Variants in DIS3 observed in about 807,000 individuals in gnomAD.
The protein encoded by DIS3 is DIS3 exosome endoribonuclease and 3'-5' exoribonuclease.
DIS3 carries 103 observed loss-of-function variants against 113.0 expected under a neutral mutation model. The observed-to-expected ratio is 0.91, with a 90% CI of 0.78 to 1.07. DIS3 has a LOEUF of 1.07. DIS3 is among the 50% of genes least tolerant of loss of function. The pLI, the probability that DIS3 is intolerant of heterozygous loss-of-function variation, is 0.00. For synonymous variants in DIS3, 402 were observed against 394.3 expected, an observed-to-expected ratio of 1.02 and a Z score of -0.23; for missense variants, 1,121 against 1,167.1, an observed-to-expected ratio of 0.96 and a Z score of 0.58.
intron 8 of DIS3, 93 bp from the exon 9 acceptor site, chr13:72,772,932 T>C: frequency 7.7e-7 from 1 of 1,299,910 alleles, no homozygotes. Context: ...ATCTTCTCAG[T>C]ATTCCTAAAT....
At chr13:72,767,647 G>A (rs1282141399) in intron 14 of DIS3, among the ~76,000 whole-genome samples, 1 of 152,172 alleles carries the variant, frequency 6.6e-6, no homozygotes, top group Non-Finnish European at 1.5e-5. Flanking sequence ...TTCTATGTGT[G>A]CCCTGTCCAA....
In DIS3 at chr13:72,778,168, C is replaced by G. The variant is rs1396927079; in HGVS notation, c.580+19G>C. On this transcript the variant is annotated intron_variant, in intron 3 of 20. Transcript: ENST00000377767. The stretch of plus-strand genomic sequence containing the variant: ...CGCATTTGCAAACATGCACTAAGTA[C>G]TTCTACATTTAGACTTACAAGTGAA... The G allele has an allele frequency of 3.2e-6, 5 of 1,552,838 alleles. No homozygotes were observed. The African/African-American group carries it at 6.8e-5, about 21-fold the overall frequency.
chr13:72,762,209 T>C (rs1593835677), intron 16 of DIS3, 72 bp from the exon 17 acceptor site: 1 of 1,281,236 alleles, frequency 7.8e-7, no homozygotes, highest in East Asian at 2.5e-5. Flanking sequence ...CTTCAAAATA[T>C]AACTGATCTG....
In DIS3 at chr13:72,754,085, T is replaced by G. The variant is rs1180691753; in HGVS notation, c.*5710A>C. 2 of 293,188 alleles carry G rather than the reference T, an allele frequency of 6.8e-6. No homozygotes were observed. The highest frequency in any genetic ancestry group is 1.3e-5 in the Non-Finnish European group (2 of 158,260). The allele number at this position is 293,188 out of a possible 1,614,324, so 18.2% of individuals were successfully genotyped here. On this transcript the variant is annotated 3_prime_UTR_variant, in exon 21 of 21. Coordinates refer to ENST00000377767, the MANE Select transcript of DIS3 (RefSeq NM_014953.5). The stretch of plus-strand genomic sequence containing the variant: ...CTTCCAGGTGGTGGTTATATATTCA[T>G]ACTTGAAGAAACTCATCATAATTTC...
intron 1 of DIS3, 56 bp downstream of exon 1, chr13:72,781,549 T>C: frequency 6.8e-7 from 1 of 1,469,012 alleles, no homozygotes; most frequent in Non-Finnish European, 9.0e-7. Context: ...AGTTTCCCTG[T>C]CATACCCCCT....
rs540191098 is a variant in DIS3, at chr13:72,772,282, G to C, written c.1387-7C>G. 46 of 1,575,418 alleles carry C rather than the reference G, an allele frequency of 2.9e-5. 1 individual carries two copies. In the South Asian group the frequency reaches 4.9e-4, roughly 17 times the overall value. ...CTTCTCGGTTTTTCATGTCCTAGAA[G>C]ACATGAAATGATAAACAAATAAATT... is the stretch of plus-strand genomic sequence containing the variant. On this transcript the variant is annotated splice_polypyrimidine_tract_variant and splice_region_variant and intron_variant, in intron 9 of 20. Transcript: ENST00000377767.
At chr13:72,778,874 C>T (rs573102521) in intron 2 of DIS3, among the ~76,000 whole-genome samples, 125 of 152,140 alleles carry the variant, frequency 8.2e-4, no homozygotes, top group African/African-American at 2.9e-3. Flanking sequence ...ATAGCTGAAG[C>T]TATGTAGAGA....
At chr13:72,777,622 C>T in intron 3 of DIS3, 129 bp from the exon 4 acceptor site, 1 of 790,692 alleles carries the variant, frequency 1.3e-6, no homozygotes, top group Admixed American at 2.2e-5. Context: ...GAGTCTCACT[C>T]TGTCTCTCAG....
At chr13:72,770,199 A>G (rs796231683) in intron 13 of DIS3, among the ~76,000 whole-genome samples, 1 of 148,712 alleles carries the variant, frequency 6.7e-6, no homozygotes, top group South Asian at 2.1e-4. Flanking sequence ...TCAAGTATAT[A>G]TTCTTTGTAA....
Position 72,755,341 on chromosome 13 carries a change from A to G in DIS3, c.*4454T>C. 2 of 721,244 alleles carry G rather than the reference A, an allele frequency of 2.8e-6. No homozygotes were observed. The highest frequency in any genetic ancestry group is 4.5e-6 in the Non-Finnish European group (2 of 442,306). The allele number at this position is 721,244 out of a possible 1,614,324, so 44.7% of individuals were successfully genotyped here. A position where few individuals can be genotyped will look rare whatever the true frequency, so the allele number is the denominator to read the frequency against. The stretch of plus-strand genomic sequence containing the variant: ...GTAACATGCTTAGCTTTCCCTCCTT[A>G]ATGTGAAAAATCAAGGGCTTACTGA... On this transcript the variant is annotated 3_prime_UTR_variant, in exon 21 of 21. Coordinates refer to ENST00000377767, the MANE Select transcript of DIS3 (RefSeq NM_014953.5).
Position 72,753,885 on chromosome 13 carries a change from T to G in DIS3, c.*5910A>C, listed in dbSNP as rs1429281906. ...ATTAGAAATATAAAATAATTTTGATTATTAGACAATAGTACTATTGAGAAA... is the reference window on the plus strand; with the variant it reads ...ATTAGAAATATAAAATAATTTTGATGATTAGACAATAGTACTATTGAGAAA... On this transcript the variant is annotated 3_prime_UTR_variant, in exon 21 of 21. Coordinates refer to ENST00000377767, the MANE Select transcript of DIS3 (RefSeq NM_014953.5). 4.2e-6 allele frequency: 6 copies of G among 1,436,590 alleles called. No homozygotes were observed. The highest frequency in any genetic ancestry group is 1.9e-5 in the Admixed American group (1 of 51,458). The allele number at this position is 1,436,590 out of a possible 1,614,324, so 89.0% of individuals were successfully genotyped here. A position where few individuals can be genotyped will look rare whatever the true frequency, so the allele number is the denominator to read the frequency against.
chr13:72,778,420 G>C, intron 2 of DIS3, 40 bp from the exon 3 acceptor site: 1 of 1,499,122 alleles, frequency 6.7e-7, no homozygotes, highest in South Asian at 1.3e-5. Flanking sequence ...GAAATCAGTA[G>C]AAACAAGGAT....
rs748342148 is a variant in DIS3 at position 72,757,984 on chromosome 13, TATC to T, written c.*1808_*1810del. ...AAAAGTCTACAGTAGTGCACAGTAA[TATC>T]ATGGCCTTCACATTCACTAACCACT... On this transcript the variant is annotated 3_prime_UTR_variant, in exon 21 of 21. Transcript: ENST00000377767. The T allele has an allele frequency of 5.1e-6, 1 of 197,306 alleles. No homozygotes were observed. Among genetic ancestry groups the T allele is most frequent in the Non-Finnish European group, 1.1e-5 (1 of 95,206 alleles). 12.2% of individuals were successfully genotyped at this position (197,306 alleles called of 1,614,324 possible).
In DIS3 at chr13:72,773,673, T is replaced by C. The variant is rs200620080; in HGVS notation, c.1239+11A>G. The stretch of plus-strand genomic sequence containing the variant: ...AAACATCCCCACATAAAATTAATAC[T>C]TTAAGCTTACATTTGGATATCTGGA... On this transcript the variant is annotated intron_variant, in intron 8 of 20. Transcript: ENST00000377767. 6.2e-7 allele frequency: 1 copy of C among 1,604,180 alleles called. No homozygotes were observed. Among genetic ancestry groups the C allele is most frequent in the East Asian group, 2.2e-5 (1 of 44,814 alleles).
At chr13:72,775,508 T>G in intron 5 of DIS3, 133 bp from the exon 6 acceptor site, 3 of 1,103,122 alleles carry the variant, frequency 2.7e-6, no homozygotes, top group Non-Finnish European at 3.6e-6. Context: ...TTATAGATTT[T>G]CTTTCTCTAT....
At chr13:72,780,197 G>A (rs9573032) in intron 2 of DIS3, among the ~76,000 whole-genome samples, 39,659 of 151,248 alleles carry the variant, frequency 0.26, 6,444 homozygotes, top group South Asian at 0.46. Context: ...ATAGTGGTGC[G>A]TGACTGTAAT....
rs933843244 is a variant in DIS3, at chr13:72,760,622, C to A, written c.2700G>T (p.Val900=). Residue 900 remains valine (V), a synonymous_variant, in exon 20 of 21, where the codon GTG becomes GTT. Coordinates refer to ENST00000377767, the MANE Select transcript of DIS3 (RefSeq NM_014953.5). ...EIPSLKIEDT[V]FHVFDKVKVK... Reference sequence around the variant, plus strand: ...CTTTAACTTTATCAAATACATGGAACACTGTATCTTCTATTTTAAGTGAGG... The same window carrying A: ...CTTTAACTTTATCAAATACATGGAAAACTGTATCTTCTATTTTAAGTGAGG... The A allele has an allele frequency of 6.2e-7, 1 of 1,612,890 alleles. No homozygotes were observed. The highest frequency in any genetic ancestry group is 1.3e-5 in the African/African-American group (1 of 74,900).
chr13:72,755,020 C>G lies in DIS3; in HGVS notation c.*4775G>C, dbSNP rs1289720485. 4 of 667,882 alleles carry G rather than the reference C, an allele frequency of 6.0e-6. No individual in the cohort carries two copies. The highest frequency in any genetic ancestry group is 1.9e-5 in the South Asian group (1 of 51,744). 41.4% of individuals were successfully genotyped at this position (667,882 alleles called of 1,614,324 possible). ...ATGCAGAATATTGATTTATAAAATA[C>G]TGTATCTTTACTGTCCCTTCAGAGT... On this transcript the variant is annotated 3_prime_UTR_variant, in exon 21 of 21. Coordinates refer to ENST00000377767, the MANE Select transcript of DIS3 (RefSeq NM_014953.5).
intron 2 of DIS3, among the ~76,000 whole-genome samples, chr13:72,779,393 C>G (rs764547279): frequency 6.6e-6 from 1 of 152,292 alleles, no homozygotes; most frequent in East Asian, 1.9e-4. Context: ...GCCAGGATTA[C>G]AGACATAAGC....
Sources: allele counts gnomAD v4.1 joint callset (sites outside exome capture counted in the v4.1 genomes callset), GRCh38; gene constraint gnomAD v4.1.1; transcripts MANE v1.5; gene names NCBI Gene and HGNC (gene_info 2026-07-23, HGNC 2026-07-21).